The following OR2L13 variants were observed in gnomAD, a reference collection of about 807,000 sequenced individuals.
The protein encoded by OR2L13 is olfactory receptor family 2 subfamily L member 13.
Under a neutral mutation model 15.3 loss-of-function variants are expected in OR2L13, and 14 were observed. That is an observed-to-expected ratio of 0.91 (90% CI 0.60 to 1.43). The LOEUF (loss-of-function observed/expected upper bound fraction) is 1.43. Ranked by LOEUF, OR2L13 falls within the 40% of genes most tolerant of loss-of-function variation. OR2L13 has a pLI of 0.00. For missense variants in OR2L13, 367 were observed against 387.9 expected, an observed-to-expected ratio of 0.95 and a Z score of 0.45; for synonymous variants, 152 against 142.9, an observed-to-expected ratio of 1.06 and a Z score of -0.45.
chr1:248,050,666 A>G, the OR2L13 span, among the ~76,000 whole-genome samples: 1 of 152,192 alleles, frequency 6.6e-6, no homozygotes, highest in Non-Finnish European at 1.5e-5. Flanking sequence ...AGTTTGTCAT[A>G]GAGAGTCCTA....
the OR2L13 span, among the ~76,000 whole-genome samples, chr1:248,036,200 T>C: frequency 2.0e-5 from 3 of 152,178 alleles, no homozygotes; most frequent in Non-Finnish European, 2.9e-5. Context: ...ATGTTGGTCC[T>C]GTTGCATTAA....
the OR2L13 span, among the ~76,000 whole-genome samples, chr1:247,994,658 T>C: frequency 6.6e-6 from 1 of 152,124 alleles, no homozygotes; most frequent in Non-Finnish European, 1.5e-5. Context: ...TGAAGTTATG[T>C]AGGATGAGTA....
the OR2L13 span, among the ~76,000 whole-genome samples, chr1:247,942,411 C>G: frequency 6.6e-6 from 1 of 152,086 alleles, no homozygotes; most frequent in Admixed American, 6.6e-5. Context: ...GTCCACGGAA[C>G]CAGTGGGGCT....
the OR2L13 span, among the ~76,000 whole-genome samples, chr1:248,069,544 T>G: frequency 6.6e-6 from 1 of 152,132 alleles, no homozygotes; most frequent in Non-Finnish European, 1.5e-5. Flanking sequence ...AGACCATCGA[T>G]GCTAGGAAGA....
the OR2L13 span, among the ~76,000 whole-genome samples, chr1:248,070,572 A>G: frequency 7.2e-5 from 11 of 152,332 alleles, no homozygotes; most frequent in African/African-American, 2.4e-4. Context: ...AAAACTAGAG[A>G]AGCAAGAGCA....
the OR2L13 span, among the ~76,000 whole-genome samples, chr1:247,981,104 C>G: frequency 2.0e-5 from 3 of 152,168 alleles, no homozygotes; most frequent in African/African-American, 7.2e-5. Flanking sequence ...AGAATGCAGA[C>G]AACCAACAGT....
the OR2L13 span, chr1:248,004,119 A>T: frequency 7.2e-7 from 1 of 1,395,580 alleles, no homozygotes; most frequent in South Asian, 1.4e-5. Flanking sequence ...TCCATTCAGC[A>T]GTGTATAGTA....
At chr1:248,098,577 T>A (rs1558223002) in intron 1 of OR2L13, 74 bp from the exon 2 acceptor site, 1 of 152,248 alleles carries the variant, frequency 6.6e-6, no homozygotes, top group Non-Finnish European at 1.5e-5. Context: ...TACCCAAGGT[T>A]ATATGAACTA....
At chr1:247,965,611 C>T in the OR2L13 span, 2 of 1,561,290 alleles carry the variant, frequency 1.3e-6, no homozygotes, top group Admixed American at 1.9e-5. Context: ...CACCACAGTG[C>T]CCAAGATGGC....
At chr1:248,018,107 A>G in the OR2L13 span, among the ~76,000 whole-genome samples, 8 of 150,772 alleles carry the variant, frequency 5.3e-5, no homozygotes, top group East Asian at 1.6e-3. Flanking sequence ...GTGAGCCGAG[A>G]TCACACCACT....
At chr1:248,030,988 C>A in the OR2L13 span, among the ~76,000 whole-genome samples, 3 of 151,874 alleles carry the variant, frequency 2.0e-5, no homozygotes, top group Non-Finnish European at 4.4e-5. Context: ...AATGCTGATG[C>A]CTAGGTATAT....
the OR2L13 span, chr1:248,041,937 G>T: frequency 4.6e-5 from 7 of 152,188 alleles, no homozygotes; most frequent in Non-Finnish European, 7.3e-5. Flanking sequence ...CATTGTGGAA[G>T]TCAGTGTGGC....
At chr1:247,948,869 C>T in the OR2L13 span, 3 of 1,603,932 alleles carry the variant, frequency 1.9e-6, no homozygotes, top group Non-Finnish European at 2.6e-6. Context: ...TGGAAAATTA[C>T]AATCAAACAT....
the OR2L13 span, among the ~76,000 whole-genome samples, chr1:248,073,144 A>G: frequency 1.2e-3 from 189 of 152,186 alleles, no homozygotes; most frequent in African/African-American, 4.4e-3. Context: ...CCAAAGGACT[A>G]TAAATCATGC....
At chr1:248,093,375 G>A (rs755488117), upstream of OR2L13, among the ~76,000 whole-genome samples, 6 of 152,158 alleles carry the variant, frequency 3.9e-5, no homozygotes, top group South Asian at 1.2e-3. Flanking sequence ...CTCAAGTCAC[G>A]TTTCATTGCT....
intron 2 of OR2L13, 126 bp downstream of exon 2, chr1:248,098,901 A>G (rs1315017771): frequency 6.5e-6 from 1 of 153,980 alleles, no homozygotes; most frequent in East Asian, 1.9e-4. Flanking sequence ...TCTAAAAGTC[A>G]TAAATAAAAA....
At chr1:248,069,571 G>T in the OR2L13 span, among the ~76,000 whole-genome samples, 5 of 152,070 alleles carry the variant, frequency 3.3e-5, no homozygotes, top group African/African-American at 9.7e-5. Flanking sequence ...ATCAACTGTC[G>T]AGCAAAATAA....
At chr1:248,067,930 G>A in the OR2L13 span, among the ~76,000 whole-genome samples, 2 of 152,260 alleles carry the variant, frequency 1.3e-5, no homozygotes, top group Non-Finnish European at 2.9e-5. Flanking sequence ...CAAGGTGGCA[G>A]CGAGGCTGGG....
the OR2L13 span, among the ~76,000 whole-genome samples, chr1:248,080,509 T>C: frequency 4.6e-5 from 7 of 152,206 alleles, no homozygotes; most frequent in Non-Finnish European, 7.3e-5. Context: ...CTTCCACTTA[T>C]GAATGAGAAC....
Sources: allele counts gnomAD v4.1 joint callset (sites outside exome capture counted in the v4.1 genomes callset), GRCh38; gene constraint gnomAD v4.1.1; transcripts MANE v1.5; gene names NCBI Gene and HGNC (gene_info 2026-07-23, HGNC 2026-07-21).